GLI3: variants seen among roughly 807,000 people sequenced by gnomAD.
GLI3 encodes the protein GLI family zinc finger 3.
In GLI3, 20 loss-of-function variants were observed where a neutral mutation model predicts 100.8. That is an observed-to-expected ratio of 0.20 (90% CI 0.14 to 0.29). The LOEUF is 0.29. Among genes scored for constraint, GLI3 ranks in the 10% least tolerant of loss-of-function variants. GLI3 has a pLI of 1.00. For synonymous variants in GLI3, 938 were observed against 860.5 expected (o/e 1.09, Z -1.58); for missense variants, 2,040 against 2,128.5 (o/e 0.96, Z 0.82).
At chr7:42,110,301 C>T (rs189501987) in intron 3 of GLI3, among the ~76,000 whole-genome samples, 317 of 152,290 alleles carry the variant, frequency 2.1e-3, no homozygotes, top group Non-Finnish European at 3.5e-3. Flanking sequence ...TTCTAAAAAT[C>T]CAGCATAGGA....
At chr7:42,020,385 A>G (rs1788901875) in intron 10 of GLI3, among the ~76,000 whole-genome samples, 2 of 152,176 alleles carry the variant, frequency 1.3e-5, no homozygotes, top group African/African-American at 4.8e-5. Context: ...AAGCCCTTCA[A>G]TTGCAGCCAG....
Position 42,026,342 on chromosome 7 carries a change from G to T in GLI3, c.1099C>A (p.Gln367Lys). Residue 367 changes from glutamine (Q) to lysine (K), a missense_variant, in exon 8 of 15, where the codon CAA becomes AAA. Gln to Lys is a moderately conservative substitution (Grantham distance 53). Around this residue, in one of 5 missense-constraint regions of GLI3, gnomAD observed 603 missense variants for 690.9 expected, o/e 0.87. Coordinates refer to ENST00000395925, the MANE Select transcript of GLI3 (RefSeq NM_000168.6). Reference protein sequence around the residue: ...LHMHQQILSRQQSLGSAFGHS... With the variant: ...LHMHQQILSRKQSLGSAFGHS... ...CCAAAGGCTGAACCTAAGCTCTGTTGTCGGCTTAGGATCTGCTGATGCATG... is the reference window on the plus strand; with the variant it reads ...CCAAAGGCTGAACCTAAGCTCTGTTTTCGGCTTAGGATCTGCTGATGCATG... 6.2e-7 allele frequency: 1 copy of T among 1,614,118 alleles called. No homozygotes were observed. Among genetic ancestry groups the T allele is most frequent in the East Asian group, 2.2e-5 (1 of 44,878 alleles).
At chr7:41,988,484 G>A (rs1286238887) in intron 10 of GLI3, among the ~76,000 whole-genome samples, 1 of 105,236 alleles carries the variant, frequency 9.5e-6, no homozygotes, top group East Asian at 3.1e-4. Flanking sequence ...AGGGGGGGGG[G>A]GTGGGGCCTT....
chr7:42,082,538 C>G (rs1284031454), intron 3 of GLI3, among the ~76,000 whole-genome samples: 1 of 152,142 alleles, frequency 6.6e-6, no homozygotes, highest in Non-Finnish European at 1.5e-5. Context: ...AGTGCTACCC[C>G]CACAGGGCCC....
chr7:42,028,293 G>C (rs1369742969), intron 7 of GLI3, among the ~76,000 whole-genome samples: 1 of 152,168 alleles, frequency 6.6e-6, no homozygotes, highest in Non-Finnish European at 1.5e-5. Context: ...ATCTGGCAGA[G>C]TTGAAAGAGG....
intron 2 of GLI3, chr7:42,150,034 T>G (rs947647801): frequency 6.6e-6 from 1 of 152,200 alleles, no homozygotes; most frequent in Admixed American, 6.5e-5. Flanking sequence ...GCAAATGACT[T>G]GCAGAACAGA....
At chr7:42,066,619 T>C (rs1336629047) in intron 4 of GLI3, among the ~76,000 whole-genome samples, 1 of 152,122 alleles carries the variant, frequency 6.6e-6, no homozygotes, top group Non-Finnish European at 1.5e-5. Context: ...TCCAGAAGTG[T>C]TCAAGGATTT....
At chr7:42,226,262 C>G (rs371733014) in intron 1 of GLI3, among the ~76,000 whole-genome samples, 1 of 152,098 alleles carries the variant, frequency 6.6e-6, no homozygotes, top group African/African-American at 2.4e-5. Context: ...CAGAAAAAAA[C>G]CCATTCAGAG....
chr7:42,036,019 G>C (rs1056617658), intron 7 of GLI3, among the ~76,000 whole-genome samples: 37 of 152,250 alleles, frequency 2.4e-4, no homozygotes, highest in African/African-American at 8.9e-4. Context: ...TCTAGACAAT[G>C]CATTTTAAAA....
intron 4 of GLI3, among the ~76,000 whole-genome samples, chr7:42,075,817 T>C (rs1304747083): frequency 3.3e-5 from 5 of 152,256 alleles, no homozygotes. Flanking sequence ...CAATTAATTC[T>C]GTTCACAGAG....
intron 3 of GLI3, among the ~76,000 whole-genome samples, chr7:42,125,850 C>A (rs975049488): frequency 6.6e-6 from 1 of 152,134 alleles, no homozygotes; most frequent in African/African-American, 2.4e-5. Flanking sequence ...AGGAAAGCTG[C>A]ATGTCTGAGA....
chr7:42,079,865 T>A (rs1784963400), intron 3 of GLI3, among the ~76,000 whole-genome samples: 1 of 152,246 alleles, frequency 6.6e-6, no homozygotes, highest in South Asian at 2.1e-4. Flanking sequence ...ACTCAAAATG[T>A]GTGAATTTAT....
chr7:42,246,853 T>A (rs1024639012), intron 1 of GLI3, among the ~76,000 whole-genome samples: 3 of 144,118 alleles, frequency 2.1e-5, no homozygotes, highest in Non-Finnish European at 3.0e-5. Context: ...ATATCCTTTC[T>A]GCTGGGACTC....
Position 42,237,030 on chromosome 7 carries a change from G to A in GLI3, c.-102C>T, listed in dbSNP as rs1390124391. 2 of 150,398 alleles carry A rather than the reference G, an allele frequency of 1.3e-5. No homozygotes were observed. Among genetic ancestry groups the A allele is most frequent in the Non-Finnish European group, 3.0e-5 (2 of 67,520 alleles). The allele number at this position is 150,398 out of a possible 1,614,324, so 9.3% of individuals were successfully genotyped here. ...CCCATAGACCCGCGGACGGGGCGCA[G>A]GCTGGCGGCTCCCCGCTCCGCGCGG... On this transcript the variant is annotated 5_prime_UTR_variant, in exon 1 of 15. Transcript: ENST00000395925.
chr7:42,078,727 T>G (rs986057778), intron 3 of GLI3, among the ~76,000 whole-genome samples: 2 of 6,568 alleles, frequency 3.0e-4, no homozygotes, highest in Admixed American at 3.2e-3. Flanking sequence ...TTTATCACAG[T>G]TTTTTTTTTT....
chr7:42,194,190 G>A (rs927215389), intron 2 of GLI3, among the ~76,000 whole-genome samples: 1 of 152,118 alleles, frequency 6.6e-6, no homozygotes, highest in Non-Finnish European at 1.5e-5. Context: ...ATTTGTCCCA[G>A]TATTGATCAA....
At chr7:42,063,603 C>A (rs1228256457) in intron 4 of GLI3, among the ~76,000 whole-genome samples, 1 of 152,144 alleles carries the variant, frequency 6.6e-6, no homozygotes, top group Non-Finnish European at 1.5e-5. Flanking sequence ...TTGTAAAATA[C>A]ATCCCAACTT....
intron 3 of GLI3, among the ~76,000 whole-genome samples, chr7:42,082,682 A>C (rs1268879360): frequency 6.6e-6 from 1 of 152,184 alleles, no homozygotes; most frequent in Non-Finnish European, 1.5e-5. Context: ...CATCGTATTT[A>C]TATGATCTTC....
intron 3 of GLI3, among the ~76,000 whole-genome samples, chr7:42,132,312 G>T (rs545296008): frequency 4.0e-5 from 6 of 151,850 alleles, no homozygotes; most frequent in Non-Finnish European, 8.8e-5. Flanking sequence ...ATGTTAGCCA[G>T]GATGGTCTCG....
Sources: gnomAD v4.1 joint callset for allele counts (sites outside exome capture counted in the v4.1 genomes callset) on GRCh38, gnomAD v4.1.1 for gene constraint, gnomAD v4.1.1 regional missense constraint, MANE v1.5 for transcripts, NCBI Gene and HGNC (gene_info 2026-07-23, HGNC 2026-07-21) for gene names.